Variants in BNC2 observed in about 807,000 individuals in gnomAD.
BNC2 encodes the protein zinc finger protein basonuclin-2.
Under a neutral mutation model 76.3 loss-of-function variants are expected in BNC2, and 20 were observed. The ratio of observed to expected loss-of-function variants is 0.26; its 90% CI spans 0.18 to 0.38. The LOEUF is 0.38. Among genes scored for constraint, BNC2 ranks in the 10% least tolerant of loss-of-function variants. BNC2 has a pLI of 1.00. For missense variants in BNC2, 1,382 were observed against 1,399.8 expected, an observed-to-expected ratio of 0.99 and a Z score of 0.20; for synonymous variants, 582 against 514.8, an observed-to-expected ratio of 1.13 and a Z score of -1.77.
At chr9:16,574,373 T>G (rs1372386266) in intron 4 of BNC2, among the ~76,000 whole-genome samples, 1 of 152,220 alleles carries the variant, frequency 6.6e-6, no homozygotes, top group Non-Finnish European at 1.5e-5. Context: ...ATTCACCTAC[T>G]TATAGCTTTT....
intron 1 of BNC2, among the ~76,000 whole-genome samples, chr9:16,788,357 T>C (rs1328370841): frequency 5.9e-5 from 9 of 151,464 alleles, no homozygotes; most frequent in Non-Finnish European, 4.4e-5. Flanking sequence ...ATCGAGACCA[T>C]CCTGGCTAAC....
At chr9:16,659,499 T>G (rs563305195) in intron 3 of BNC2, among the ~76,000 whole-genome samples, 2 of 151,306 alleles carry the variant, frequency 1.3e-5, no homozygotes, top group Non-Finnish European at 2.9e-5. Context: ...TCCCAGCTAC[T>G]CGGGAGGCTG....
intron 5 of BNC2, among the ~76,000 whole-genome samples, chr9:16,483,832 G>C (rs1283296686): frequency 6.6e-6 from 1 of 152,200 alleles, no homozygotes; most frequent in Non-Finnish European, 1.5e-5. Flanking sequence ...CATGGAAGAT[G>C]TCACGGACTT....
chr9:16,666,238 G>T (rs1822285583), intron 3 of BNC2, among the ~76,000 whole-genome samples: 1 of 152,000 alleles, frequency 6.6e-6, no homozygotes, highest in African/African-American at 2.4e-5. Context: ...GCTATAGTTT[G>T]CCAGAGGGCA....
At chr9:16,528,907 A>G (rs1335376943) in intron 5 of BNC2, among the ~76,000 whole-genome samples, 3 of 152,162 alleles carry the variant, frequency 2.0e-5, no homozygotes. Flanking sequence ...GCTTATAACA[A>G]TGGAAACATA....
intron 5 of BNC2, among the ~76,000 whole-genome samples, chr9:16,443,074 A>AG (rs1303146138): frequency 2.0e-5 from 3 of 151,526 alleles, no homozygotes; most frequent in African/African-American, 7.2e-5. Flanking sequence ...CAAAAAAAAA[A>AG]AAAAAAAAAA....
chr9:16,457,992 G>A (rs7042237), intron 5 of BNC2, among the ~76,000 whole-genome samples: 10,417 of 152,170 alleles, frequency 0.068, 988 homozygotes, highest in African/African-American at 0.21. Context: ...TCTGTTGCTC[G>A]ATCCAGGAAT....
intron 1 of BNC2, among the ~76,000 whole-genome samples, chr9:16,748,423 G>A (rs970195061): frequency 6.6e-6 from 1 of 152,136 alleles, no homozygotes; most frequent in Admixed American, 6.5e-5. Context: ...TGAGGTGGGA[G>A]GGTCACCTGA....
At chr9:16,588,003 T>C (rs113310198) in intron 3 of BNC2, among the ~76,000 whole-genome samples, 3,965 of 152,238 alleles carry the variant, frequency 0.026, 168 homozygotes, top group African/African-American at 0.09. Flanking sequence ...TTAAGTTCCA[T>C]GAGGGCAGGA....
intron 6 of BNC2, among the ~76,000 whole-genome samples, chr9:16,427,462 T>A (rs555738954): frequency 5.3e-5 from 8 of 152,332 alleles, no homozygotes; most frequent in African/African-American, 1.9e-4. Flanking sequence ...TTGAAGGCAA[T>A]CCTTCTCTTG....
intron 1 of BNC2, among the ~76,000 whole-genome samples, chr9:16,824,916 A>T (rs1818417720): frequency 6.6e-6 from 1 of 152,144 alleles, no homozygotes; most frequent in Non-Finnish European, 1.5e-5. Context: ...AGGACATACG[A>T]AGATACGGTT....
chr9:16,675,084 T>C (rs1198067821), intron 3 of BNC2, among the ~76,000 whole-genome samples: 1 of 152,162 alleles, frequency 6.6e-6, no homozygotes, highest in African/African-American at 2.4e-5. Flanking sequence ...TGCAGGAAGA[T>C]CTGCTATTTT....
intron 5 of BNC2, among the ~76,000 whole-genome samples, chr9:16,515,589 C>T (rs1017443006): frequency 6.6e-6 from 1 of 151,910 alleles, no homozygotes; most frequent in African/African-American, 2.4e-5. Flanking sequence ...GTGTCTGGAA[C>T]GTCTGTCTCT....
At chr9:16,787,080 T>G (rs1023049920) in intron 1 of BNC2, among the ~76,000 whole-genome samples, 2 of 152,280 alleles carry the variant, frequency 1.3e-5, no homozygotes. Flanking sequence ...AAGAGAGAGC[T>G]GAGGCCAAAG....
intron 3 of BNC2, among the ~76,000 whole-genome samples, chr9:16,616,667 C>A (rs1820706321): frequency 1.5e-5 from 2 of 133,172 alleles, no homozygotes; most frequent in African/African-American, 5.7e-5. Flanking sequence ...CCAGCCTGGG[C>A]AACAGAGTGA....
rs562581800 is a variant in BNC2 at position 16,602,743 on chromosome 9, T to C, written c.331-19658A>G. On this transcript the variant is annotated intron_variant, in intron 3 of 6. Coordinates refer to ENST00000380672, the MANE Select transcript of BNC2 (RefSeq NM_017637.6). Reference sequence around the variant, plus strand: ...AACCTAACAACCCATTAGGTGGAAATGACTTTTCAGCCACTTCCTCCAGGG... The same window carrying C: ...AACCTAACAACCCATTAGGTGGAAACGACTTTTCAGCCACTTCCTCCAGGG... Among the ~76,000 whole-genome samples, 5 of 152,302 alleles carry C rather than the reference T, an allele frequency of 3.3e-5. No homozygotes were observed. In the South Asian group the frequency reaches 1.0e-3, roughly 32 times the overall value.
In BNC2 at chr9:16,683,857, T is replaced by C. The variant is rs573992232; in HGVS notation, c.330+43940A>G. ...TAACTCTCCATAGCTGATCATCTTTTAACAGATTCAATCCTTCCACGCAGT... is the reference window on the plus strand; with the variant it reads ...TAACTCTCCATAGCTGATCATCTTTCAACAGATTCAATCCTTCCACGCAGT... On this transcript the variant is annotated intron_variant, in intron 3 of 6. Coordinates refer to ENST00000380672, the MANE Select transcript of BNC2 (RefSeq NM_017637.6). 7.9e-5 allele frequency among the ~76,000 whole-genome samples: 12 copies of C among 152,268 alleles called. No homozygotes were observed. In the South Asian group the frequency reaches 2.5e-3, roughly 32 times the overall value.
rs116010500 is a variant in BNC2 at position 16,477,088 on chromosome 9, G to C, written c.670-39564C>G. ...GGACAGGAAGAAAAGGAGCAAGAGA[G>C]AAAAAGACCTCTCCCTGAAGAACAG... On this transcript the variant is annotated intron_variant, in intron 5 of 6. Transcript: ENST00000380672. 6.9e-3 allele frequency among the ~76,000 whole-genome samples: 1,056 copies of C among 152,198 alleles called. 15 individuals carry two copies. Among genetic ancestry groups the C allele is most frequent in the African/African-American group, 0.024 (997 of 41,528 alleles).
intron 5 of BNC2, among the ~76,000 whole-genome samples, chr9:16,500,647 A>C (rs1207122959): frequency 6.6e-6 from 1 of 152,164 alleles, no homozygotes; most frequent in Non-Finnish European, 1.5e-5. Flanking sequence ...ATTTTGGCCA[A>C]AGAATTTAGT....
Sources: gnomAD v4.1 joint callset for allele counts (sites outside exome capture counted in the v4.1 genomes callset) on GRCh38, gnomAD v4.1.1 for gene constraint, MANE v1.5 for transcripts, NCBI Gene and HGNC (gene_info 2026-07-23, HGNC 2026-07-21) for gene names.